PARVA: variants seen among roughly 807,000 people sequenced by gnomAD.
PARVA encodes parvin alpha.
A neutral mutation model predicts 52.6 loss-of-function variants in PARVA; 25 were observed. That is an observed-to-expected ratio of 0.48 (90% CI 0.35 to 0.66). The LOEUF (loss-of-function observed/expected upper bound fraction) is 0.66. Ranked by LOEUF, PARVA falls within the 30% of genes least tolerant of loss-of-function variation. PARVA has a pLI of 0.01. For synonymous variants in PARVA, 185 were observed against 179.1 expected (o/e 1.03, Z -0.26); for missense variants, 373 against 450.9 (o/e 0.83, Z 1.56).
chr11:12,377,936 C>A (rs1475747792), intron 1 of PARVA, among the ~76,000 whole-genome samples, 153 bp downstream of exon 1: 5 of 148,278 alleles, frequency 3.4e-5, no homozygotes, highest in African/African-American at 9.7e-5. Flanking sequence ...CCGGGTACGT[C>A]GGGCAGGAGC....
chr11:12,428,025 C>G (rs1940262321), intron 1 of PARVA, among the ~76,000 whole-genome samples: 1 of 152,228 alleles, frequency 6.6e-6, no homozygotes, highest in Admixed American at 6.5e-5. Context: ...GGAGAAGTCT[C>G]CCCATTTGTG....
intron 3 of PARVA, among the ~76,000 whole-genome samples, chr11:12,475,713 C>T (rs965049763): frequency 6.7e-6 from 1 of 148,184 alleles, no homozygotes; most frequent in Non-Finnish European, 1.5e-5. Flanking sequence ...GAGTCTGTGC[C>T]CTGACCCCAG....
rs1366491704 is a variant in PARVA at position 12,457,553 on chromosome 11, GCTT to G, written c.137-16188_137-16186del. On this transcript the variant is annotated intron_variant, in intron 1 of 12. Coordinates refer to ENST00000334956, the MANE Select transcript of PARVA (RefSeq NM_018222.5). ...CAGTTCCTCAGCCTTCCCCATTCCA[GCTT>G]CTTTTCTTAAAGCCCAGACCCTCTG... is the stretch of plus-strand genomic sequence containing the variant. Among the ~76,000 whole-genome samples the G allele has an allele frequency of 1.3e-4, 20 of 152,260 alleles. No individual in the cohort carries two copies. In the East Asian group the frequency reaches 3.9e-3, roughly 29 times the overall value.
At chr11:12,502,070 G>T (rs1473185153) in intron 5 of PARVA, among the ~76,000 whole-genome samples, 1 of 152,190 alleles carries the variant, frequency 6.6e-6, no homozygotes, top group Non-Finnish European at 1.5e-5. Context: ...CAGTGGGTCA[G>T]TGCCACATCA....
intron 1 of PARVA, among the ~76,000 whole-genome samples, chr11:12,390,171 G>T (rs148381831): frequency 6.6e-6 from 1 of 152,292 alleles, no homozygotes; most frequent in Non-Finnish European, 1.5e-5. Flanking sequence ...AACATTCATA[G>T]GCAGAATCGT....
At chr11:12,490,825 C>T (rs369613000) in intron 4 of PARVA, among the ~76,000 whole-genome samples, 21 of 152,150 alleles carry the variant, frequency 1.4e-4, no homozygotes, top group African/African-American at 1.9e-4. Flanking sequence ...GGAGTCAACG[C>T]GTGCTGAGGT....
intron 1 of PARVA, among the ~76,000 whole-genome samples, chr11:12,460,336 C>T (rs532635859): frequency 6.6e-6 from 1 of 152,188 alleles, no homozygotes; most frequent in Admixed American, 6.5e-5. Flanking sequence ...GATTATATAA[C>T]CTCTCTGGGC....
At chr11:12,384,218 AT>A (rs1256498818) in intron 1 of PARVA, among the ~76,000 whole-genome samples, 3 of 152,134 alleles carry the variant, frequency 2.0e-5, no homozygotes, top group African/African-American at 7.2e-5. Flanking sequence ...AGTCTTTCCT[AT>A]TTGGAGAAAG....
At chr11:12,426,415 G>T (rs1257285979) in intron 1 of PARVA, among the ~76,000 whole-genome samples, 1 of 152,064 alleles carries the variant, frequency 6.6e-6, no homozygotes, top group African/African-American at 2.4e-5. Flanking sequence ...GTGGCATGGG[G>T]TGAGGCAGGC....
At chr11:12,376,686 G>C, upstream of PARVA, 1 of 972,250 alleles carries the variant, frequency 1.0e-6, no homozygotes. Context: ...GAGTCTGTGT[G>C]TGAGAGACAG....
chr11:12,443,420 T>G (rs28439845), intron 1 of PARVA, among the ~76,000 whole-genome samples: 43,908 of 151,530 alleles, frequency 0.29, 6,914 homozygotes, highest in Non-Finnish European at 0.35. Flanking sequence ...TCCGCCCACC[T>G]TGGCCTCCCA....
intron 1 of PARVA, among the ~76,000 whole-genome samples, chr11:12,403,691 T>C (rs1243078123): frequency 1.3e-5 from 2 of 152,246 alleles, no homozygotes; most frequent in Non-Finnish European, 2.9e-5. Context: ...AGTTAAAATT[T>C]AGCTACTCAG....
At chr11:12,480,678 GATTCACT>G (rs1941074323) in intron 4 of PARVA, 1 of 152,066 alleles carries the variant, frequency 6.6e-6, no homozygotes, top group Non-Finnish European at 1.5e-5. Context: ...CTGAAAAGGT[GATTCACT>G]ATGGAGGTGA....
intron 4 of PARVA, among the ~76,000 whole-genome samples, chr11:12,485,542 G>A (rs1387600294): frequency 6.6e-6 from 1 of 152,172 alleles, no homozygotes; most frequent in Admixed American, 6.5e-5. Context: ...AGTGGCCAAA[G>A]CTGGAATTAT....
intron 12 of PARVA, among the ~76,000 whole-genome samples, chr11:12,524,798 C>G (rs976927205): frequency 6.6e-6 from 1 of 152,230 alleles, no homozygotes; most frequent in Non-Finnish European, 1.5e-5. Flanking sequence ...GGTCCATGCT[C>G]TCTGTGTTCA....
intron 7 of PARVA, among the ~76,000 whole-genome samples, chr11:12,509,228 A>C (rs138084523): frequency 2.2e-4 from 33 of 152,160 alleles, no homozygotes; most frequent in African/African-American, 7.7e-4. Context: ...CCCTGGCCCC[A>C]TGCAAAGTCA....
At chr11:12,383,382 C>A (rs1939521958) in intron 1 of PARVA, among the ~76,000 whole-genome samples, 1 of 152,240 alleles carries the variant, frequency 6.6e-6, no homozygotes, top group Admixed American at 6.5e-5. Context: ...ATTAGGCCAG[C>A]AGCACTGGTC....
intron 1 of PARVA, among the ~76,000 whole-genome samples, chr11:12,466,253 G>A (rs1940852266): frequency 6.6e-6 from 1 of 150,912 alleles, no homozygotes. Flanking sequence ...TCTATGCCTT[G>A]TCTTTTCATT....
intron 4 of PARVA, among the ~76,000 whole-genome samples, chr11:12,482,625 CA>C (rs35722013): frequency 1.0e-3 from 139 of 133,020 alleles, no homozygotes; most frequent in Middle Eastern, 4.0e-3. Flanking sequence ...GTCTCCATCT[CA>C]AAAAAAAAAA....
Sources: allele counts gnomAD v4.1 joint callset (sites outside exome capture counted in the v4.1 genomes callset), GRCh38; gene constraint gnomAD v4.1.1; transcripts MANE v1.5; gene names NCBI Gene and HGNC (gene_info 2026-07-23, HGNC 2026-07-21).